The following NSD2 variants were observed in gnomAD, a reference collection of about 807,000 sequenced individuals.
NSD2 encodes nuclear receptor binding SET domain protein 2.
In NSD2, 12 loss-of-function variants were observed where a neutral mutation model predicts 139.0. That is an observed-to-expected ratio of 0.09 (90% confidence interval 0.06 to 0.14). NSD2 has a LOEUF of 0.14. NSD2 is among the 10% of genes least tolerant of loss of function. The pLI is 1.00. For synonymous variants in NSD2, 669 were observed against 648.7 expected (o/e 1.03, Z -0.48); for missense variants, 1,155 against 1,745.0 (o/e 0.66, Z 6.02).
At chr4:1,959,026 G>A (rs1161085464) in intron 16 of NSD2, among the ~76,000 whole-genome samples, 1 of 152,194 alleles carries the variant, frequency 6.6e-6, no homozygotes, top group African/African-American at 2.4e-5. Context: ...TCCTCCTGGG[G>A]TGGACTCCCA....
In NSD2 at chr4:1,976,398, G is replaced by C. The variant is rs766169100; in HGVS notation, c.3622-77G>C. The C allele has an allele frequency of 1.3e-6, 2 of 1,496,386 alleles. No homozygotes were observed. The highest frequency in any genetic ancestry group is 1.2e-5 in the South Asian group (1 of 80,710). 92.7% of individuals were successfully genotyped at this position (1,496,386 alleles called of 1,614,324 possible). A position where few individuals can be genotyped will look rare whatever the true frequency, so the allele number is the denominator to read the frequency against. On this transcript the variant is annotated intron_variant, in intron 20 of 21. Transcript: ENST00000508803. The surrounding 1 kb of genome is among the most constrained non-coding windows in gnomAD (Gnocchi z 5.3). ...CAGAGATCTCTGAAGTTCCTGGAGTGTAGCTCGCTCTTCTGCCCTATTTGC... is the reference window on the plus strand; with the variant it reads ...CAGAGATCTCTGAAGTTCCTGGAGTCTAGCTCGCTCTTCTGCCCTATTTGC...
In NSD2 at chr4:1,976,889, T is replaced by C. The variant is rs997101369; in HGVS notation, c.3826+210T>C. On this transcript the variant is annotated intron_variant, in intron 21 of 21. Coordinates refer to ENST00000508803, the MANE Select transcript of NSD2 (RefSeq NM_001042424.3). This position sits in a 1 kb window ranked among gnomAD's most constrained non-coding sequence, Gnocchi z 5.3. ...ATCTCTGCATCGAGCAGAGAAGATA[T>C]GTGGTGACGGGGTAGCCCCTGGAAC... is the stretch of plus-strand genomic sequence containing the variant. Among the ~76,000 whole-genome samples, 4 of 152,222 alleles carry C rather than the reference T, an allele frequency of 2.6e-5. No individual in the cohort carries two copies. The highest frequency in any genetic ancestry group is 5.9e-5 in the Non-Finnish European group (4 of 68,034).
At chr4:1,951,270 A>T in intron 10 of NSD2, 67 bp downstream of exon 10, 1 of 1,600,938 alleles carries the variant, frequency 6.2e-7, no homozygotes, top group South Asian at 1.1e-5. Context: ...ACGCAGAGCG[A>T]ATTTGTAGTG....
chr4:1,883,183 G>A (rs957469990), intron 1 of NSD2, among the ~76,000 whole-genome samples: 7 of 152,158 alleles, frequency 4.6e-5, no homozygotes, highest in Non-Finnish European at 1.0e-4. Context: ...TGTCCAGATA[G>A]CATTCTTTCT....
intron 3 of NSD2, among the ~76,000 whole-genome samples, chr4:1,915,145 T>C (rs1342135781): frequency 1.4e-5 from 2 of 144,844 alleles, no homozygotes; most frequent in Non-Finnish European, 3.0e-5. Context: ...AGACGGAGTC[T>C]GGCTCTGTTG....
intron 1 of NSD2, among the ~76,000 whole-genome samples, chr4:1,885,443 C>T (rs1715014490): frequency 6.6e-6 from 1 of 151,932 alleles, no homozygotes; most frequent in Non-Finnish European, 1.5e-5. Context: ...GAGAGGGGGC[C>T]CTGGTCATTC....
chr4:1,940,313 T>G, intron 9 of NSD2: 1 of 1,072,320 alleles, frequency 9.3e-7, no homozygotes, highest in Non-Finnish European at 1.1e-6. Context: ...GTTACTTGAG[T>G]GTTGAGGTGA....
chr4:1,941,195 C>T (rs186460435), intron 9 of NSD2: 5 of 1,054,604 alleles, frequency 4.7e-6, no homozygotes, highest in Non-Finnish European at 4.6e-6. Context: ...AATGAAAGGT[C>T]ATTTACAGTT....
intron 1 of NSD2, among the ~76,000 whole-genome samples, chr4:1,888,278 G>A (rs1160926765): frequency 6.6e-6 from 1 of 151,900 alleles, no homozygotes; most frequent in African/African-American, 2.4e-5. Context: ...CAGGCCTGGT[G>A]TTGGGCACCT....
chr4:1,937,825 C>T (rs945366535), intron 7 of NSD2, among the ~76,000 whole-genome samples: 1 of 152,208 alleles, frequency 6.6e-6, no homozygotes, highest in African/African-American at 2.4e-5. Context: ...TCAGCCACAC[C>T]TTTCAGAATC....
chr4:1,957,844 A>G, intron 15 of NSD2, 89 bp from the exon 16 acceptor site: 2 of 1,222,624 alleles, frequency 1.6e-6, no homozygotes, highest in Non-Finnish European at 2.3e-6. Flanking sequence ...TAACATTGAA[A>G]GTTTAGAGTG....
chr4:1,927,283 A>G (rs867920500), intron 5 of NSD2, among the ~76,000 whole-genome samples: 4 of 152,160 alleles, frequency 2.6e-5, no homozygotes, highest in Admixed American at 6.5e-5. Context: ...TTTCTGCACT[A>G]TGTTATTGAC....
chr4:1,938,412 C>CTTTGTTTTTT, intron 7 of NSD2, 39 bp from the exon 8 acceptor site: 1 of 635,580 alleles, frequency 1.6e-6, no homozygotes. Context: ...TTTTTTTTTT[C>CTTTGTTTTTT]TTTCTTTTTT....
chr4:1,946,294 C>T, intron 9 of NSD2: 3 of 881,596 alleles, frequency 3.4e-6, no homozygotes, highest in Non-Finnish European at 4.1e-6. Context: ...GACAGAGTCT[C>T]ACCCTGTTGG....
In NSD2 at chr4:1,959,753, A is replaced by G; in HGVS notation, c.3255+13A>G. On this transcript the variant is annotated intron_variant, in intron 17 of 21. Transcript: ENST00000508803. The stretch of plus-strand genomic sequence containing the variant: ...GGACATCAGAAAGGTATGTGTCGTT[A>G]TCCCCTCCCCTGCTTTTGAGAAATT... 9 of 1,608,310 alleles carry G rather than the reference A, an allele frequency of 5.6e-6. No individual in the cohort carries two copies. The highest frequency in any genetic ancestry group is 7.7e-6 in the Non-Finnish European group (9 of 1,174,998).
chr4:1,925,977 A>G (rs538208058), intron 5 of NSD2, among the ~76,000 whole-genome samples: 7 of 150,708 alleles, frequency 4.6e-5, no homozygotes, highest in Admixed American at 3.3e-4. Context: ...TAACTTTTCT[A>G]TTTTTTATAG....
chr4:1,939,398 C>T (rs1577496980), intron 8 of NSD2: 2 of 472,240 alleles, frequency 4.2e-6, no homozygotes, highest in East Asian at 6.8e-5. Flanking sequence ...GGACGTGGAA[C>T]CAGGTATGGA....
In NSD2 at chr4:1,937,555, G is replaced by A. The variant is rs552610398; in HGVS notation, c.1675-896G>A. Among the ~76,000 whole-genome samples the A allele has an allele frequency of 4.4e-3, 667 of 150,262 alleles. 6 individuals carry two copies. The highest frequency in any genetic ancestry group is 0.016 in the African/African-American group (647 of 39,570). On this transcript the variant is annotated intron_variant, in intron 7 of 21. Transcript: ENST00000508803. ...TGATAAAAAGAAGTAATGGTGTCTT[G>A]TCTCTTCAGATTTGGGTTTTATAAA... is the stretch of plus-strand genomic sequence containing the variant.
chr4:1,873,510 G>C (rs942424836), intron 1 of NSD2, among the ~76,000 whole-genome samples: 2 of 152,192 alleles, frequency 1.3e-5, no homozygotes, highest in African/African-American at 4.8e-5. Context: ...TTGCTGAAGT[G>C]TGCGGACCCA....
Sources: allele counts gnomAD v4.1 joint callset (sites outside exome capture counted in the v4.1 genomes callset), GRCh38; gene constraint gnomAD v4.1.1; non-coding constraint Gnocchi (gnomAD v3.1); transcripts MANE v1.5; gene names NCBI Gene and HGNC (gene_info 2026-07-23, HGNC 2026-07-21).